The following APC2 variants were observed in gnomAD, a reference collection of about 807,000 sequenced individuals.
APC2 encodes APC regulator of Wnt signaling pathway 2.
In APC2, 41 loss-of-function variants were observed where a neutral mutation model predicts 72.5. That is an observed-to-expected ratio of 0.57 (90% CI 0.44 to 0.73). The LOEUF (loss-of-function observed/expected upper bound fraction) is 0.73, where lower values mean the gene tolerates loss of function less well. Among genes scored for constraint, APC2 ranks in the 30% least tolerant of loss-of-function variants. The pLI is 0.00. For missense variants in APC2, 3,729 were observed against 3,403.4 expected, an observed-to-expected ratio of 1.10 and a Z score of -2.38; for synonymous variants, 1,898 against 1,612.0, an observed-to-expected ratio of 1.18 and a Z score of -4.25.
chr19:1,467,217 G>A lies in APC2; in HGVS notation c.3916G>A (p.Gly1306Arg), dbSNP rs771870298. Reference protein sequence around the residue: ...LLPSACPERGGGAGGAGLHFA... With the variant: ...LLPSACPERGRGAGGAGLHFA... ...GCCCTCGGCCTGCCCCGAGCGCGGC[G>A]GGGGCGCCGGGGGCGCCGGCCTCCA... The change falls in exon 15 of 15, where the codon GGG (glycine) becomes AGG (arginine). Residue 1306 changes from glycine to arginine, a missense_variant. Transcript: ENST00000590469. 11 of 1,371,212 alleles carry A rather than the reference G, an allele frequency of 8.0e-6. No homozygotes were observed. The Admixed American group carries it at 1.3e-4, about 16-fold the overall frequency. The allele number at this position is 1,371,212 out of a possible 1,614,324, so 84.9% of individuals were successfully genotyped here. A position where few individuals can be genotyped will look rare whatever the true frequency, so the allele number is the denominator to read the frequency against.
chr19:1,457,850 T>G, intron 9 of APC2, 115 bp from the exon 10 acceptor site: 2 of 864,022 alleles, frequency 2.3e-6, no homozygotes, highest in Non-Finnish European at 3.6e-6. Flanking sequence ...TTTGCAGCCA[T>G]TTGCAAAGCT....
rs1395193784 is a variant in APC2, at chr19:1,465,484, C to A, written c.2183C>A (p.Ala728Asp). 6.5e-7 allele frequency: 1 copy of A among 1,526,974 alleles called. No homozygotes were observed. The highest frequency in any genetic ancestry group is 1.2e-5 in the South Asian group (1 of 83,114). 94.6% of individuals were successfully genotyped at this position (1,526,974 alleles called of 1,614,324 possible). A position where few individuals can be genotyped will look rare whatever the true frequency, so the allele number is the denominator to read the frequency against. The part of the protein sequence containing the change: ...LYVRKQRALE[A>D]ELDARHLAQA... ...GTGCGCAAGCAGCGGGCGCTGGAGG[C>A]CGAGCTGGACGCACGGCACCTCGCG... is the stretch of plus-strand genomic sequence containing the variant. The change falls in exon 15 of 15, where the codon GCC becomes GAC. Residue 728 changes from alanine (A) to aspartate (D), a missense_variant. Physicochemically the swap from Ala to Asp is moderately radical, Grantham distance 126. Transcript: ENST00000590469.
chr19:1,454,758 G>C (rs888315011), intron 4 of APC2, among the ~76,000 whole-genome samples: 1 of 152,032 alleles, frequency 6.6e-6, no homozygotes, highest in African/African-American at 2.4e-5. Flanking sequence ...TAGCAGAGAC[G>C]GGGTTTCACC....
At chr19:1,446,450 A>G, upstream of APC2, 1 of 830,902 alleles carries the variant, frequency 1.2e-6, no homozygotes, top group Non-Finnish European at 1.5e-6. The surrounding 1 kb of genome is among the most constrained non-coding windows in gnomAD (Gnocchi z 6.1). Flanking sequence ...GCATGGGGCG[A>G]GCGCGCGGAG....
chr19:1,446,421 G>A (rs1364939775), upstream of APC2: 8 of 967,236 alleles, frequency 8.3e-6, no homozygotes, highest in Non-Finnish European at 9.8e-6. This position sits in a 1 kb window ranked among gnomAD's most constrained non-coding sequence, Gnocchi z 6.1. Flanking sequence ...CGGGAACAGC[G>A]GGCGCGGCGG....
In APC2 at chr19:1,467,865, G is replaced by GCGCCCA. The variant is rs2084049224; in HGVS notation, c.4569_4574dup (p.Pro1525_Thr1526dup). On this transcript the variant is annotated inframe_insertion, in exon 15 of 15. Coordinates refer to ENST00000590469, the MANE Select transcript of APC2 (RefSeq NM_005883.3). ...CTCGGACGAGGAGCCCCCGGCGGCCGCGCCCACGCCAACCCACCGGCGCAC... is the reference window on the plus strand; with the variant it reads ...CTCGGACGAGGAGCCCCCGGCGGCCGCGCCCACGCCCACGCCAACCCACCGGCGCAC... The GCGCCCA allele has an allele frequency of 7.1e-6, 11 of 1,557,110 alleles. No individual in the cohort carries two copies. The highest frequency in any genetic ancestry group is 9.5e-6 in the Non-Finnish European group (11 of 1,160,880).
In APC2 at chr19:1,457,109, A is replaced by T. The variant is rs2083843759; in HGVS notation, c.1073A>T (p.Gln358Leu). Residue 358 changes from glutamine to leucine, a missense_variant, in exon 9 of 15, where the codon CAG becomes CTG. Physicochemically the swap from Gln to Leu is moderately radical, Grantham distance 113 (BLOSUM62 -2). Coordinates refer to ENST00000590469, the MANE Select transcript of APC2 (RefSeq NM_005883.3). ...GCGCTGCACAACATCGTCTTCTCGC[A>T]GCCGGACCAGGGCCTGGCGCGCAAG... ...NAALHNIVFS[Q>L]PDQGLARKEM... 1 of 1,584,744 alleles carries T rather than the reference A, an allele frequency of 6.3e-7. No individual in the cohort carries two copies. Among genetic ancestry groups the T allele is most frequent in the Non-Finnish European group, 8.6e-7 (1 of 1,169,414 alleles).
At chr19:1,465,096 C>A in intron 14 of APC2, 59 bp from the exon 15 acceptor site, 1 of 1,542,062 alleles carries the variant, frequency 6.5e-7, no homozygotes, top group Middle Eastern at 1.7e-4. Flanking sequence ...GCCCCCCCAT[C>A]CTTCGGTGGG....
rs1599157992 is a variant in APC2, at chr19:1,466,945, C to T, written c.3644C>T (p.Pro1215Leu). The T allele has an allele frequency of 6.2e-7, 1 of 1,600,978 alleles. No individual in the cohort carries two copies. Among genetic ancestry groups the T allele is most frequent in the Non-Finnish European group, 8.5e-7 (1 of 1,174,246 alleles). The change falls in exon 15 of 15, where the codon CCG (proline) becomes CTG (leucine). Residue 1215 changes from proline to leucine, a missense_variant. Transcript: ENST00000590469. ...CCTCCCAGCCGGAGCAAGACGCCAC[C>T]GCTGGCGCCCGCGCCACAGGGTCCC... ...TMPPSRSKTP[P>L]LAPAPQGPPE... is the part of the protein sequence containing the mutation.
rs769115189 is a variant in APC2, at chr19:1,456,091, C to T, written c.655C>T (p.Leu219=). 8 of 1,583,658 alleles carry T rather than the reference C, an allele frequency of 5.1e-6. No homozygotes were observed. The highest frequency in any genetic ancestry group is 6.0e-6 in the Non-Finnish European group (7 of 1,167,932). ...VQRAQIRASR[L]EQIDKELLEA... ...TCCTGAGCAGATCCGCGCCTCGCGC[C>T]TGGAGCAGATTGACAAGGAGCTGCT... Residue 219 remains leucine (L), a synonymous_variant, in exon 7 of 15, where the codon CTG becomes TTG. Transcript: ENST00000590469.
rs538243582 is a variant in APC2 at position 1,462,693 on chromosome 19, A to G, written c.1853+516A>G. On this transcript the variant is annotated intron_variant, in intron 14 of 14. Transcript: ENST00000590469. ...AAAAAAAAAAAAAATTCAGGCAGCCAGGCGCAGTGGCTCACACCTGTAATC... is the reference window on the plus strand; with the variant it reads ...AAAAAAAAAAAAAATTCAGGCAGCCGGGCGCAGTGGCTCACACCTGTAATC... Among the ~76,000 whole-genome samples, 354 of 145,814 alleles carry G rather than the reference A, an allele frequency of 2.4e-3. 3 individuals are homozygous for G. The highest frequency in any genetic ancestry group is 3.4e-3 in the Non-Finnish European group (227 of 67,064).
At position 1,453,626 on chromosome 19, in the gene APC2, G is replaced by A. The variant is rs2083774722; in HGVS notation, c.413+15G>A. The stretch of plus-strand genomic sequence containing the variant: ...GACCGGGAACGGTGAGTGGGCGTGG[G>A]AACCCAGCCTCGGGCAGCTGGAGCA... On this transcript the variant is annotated intron_variant, in intron 4 of 14. Transcript: ENST00000590469. 3 of 1,584,022 alleles carry A rather than the reference G, an allele frequency of 1.9e-6. No individual in the cohort carries two copies. Among genetic ancestry groups the A allele is most frequent in the African/African-American group, 1.3e-5 (1 of 74,486 alleles).
chr19:1,450,366 G>A (rs1285341919), intron 1 of APC2, 28 bp downstream of exon 1: 4 of 985,250 alleles, frequency 4.1e-6, no homozygotes, highest in African/African-American at 3.5e-5. Context: ...GGAGGGCAGG[G>A]GCGCGACCTC....
At chr19:1,460,159 C>T (rs2083900060) in intron 10 of APC2, 22 bp from the exon 11 acceptor site, 1 of 1,612,676 alleles carries the variant, frequency 6.2e-7, no homozygotes, top group Admixed American at 1.7e-5. Flanking sequence ...TGCCACCCAC[C>T]AACCTTGTTG....
Position 1,470,232 on chromosome 19 carries a change from T to C in APC2, c.*19T>C. The stretch of plus-strand genomic sequence containing the variant: ...GGAATAGTGGCCTAGGCCGGCCTTC[T>C]GGAACGTTCTCTCCCGGCCCTGCGG... On this transcript the variant is annotated 3_prime_UTR_variant, in exon 15 of 15. Transcript: ENST00000590469. 1 of 1,564,190 alleles carries C rather than the reference T, an allele frequency of 6.4e-7. No homozygotes were observed. Among genetic ancestry groups the C allele is most frequent in the Non-Finnish European group, 8.6e-7 (1 of 1,157,860 alleles).
rs1317345847 is a variant in APC2 at position 1,468,484 on chromosome 19, C to T, written c.5183C>T (p.Ser1728Phe). 1.2e-6 allele frequency: 2 copies of T among 1,604,788 alleles called. No homozygotes were observed. Among genetic ancestry groups the T allele is most frequent in the East Asian group, 2.2e-5 (1 of 44,606 alleles). ...TTCGTATCCGGGCTGTCAGTGGGAT[C>T]CACCCTACAGCCCCCCAAGCACAGG... Reference protein sequence around the residue: ...LSFVSGLSVGSTLQPPKHRKG... With the variant: ...LSFVSGLSVGFTLQPPKHRKG... Residue 1728 changes from serine (S) to phenylalanine (F), a missense_variant, in exon 15 of 15, where the codon TCC becomes TTC. Coordinates refer to ENST00000590469, the MANE Select transcript of APC2 (RefSeq NM_005883.3).
Position 1,453,478 on chromosome 19 carries a change from C to T in APC2, c.280C>T (p.Pro94Ser), listed in dbSNP as rs780176309. The part of the protein sequence containing the change: ...TSLYNLKFQP[P>S]TLGPEPAART... ...CCTGTACAACCTCAAGTTCCAGCCG[C>T]CCACCCTGGGCCCGGAGCCTGCCGC... Residue 94 changes from proline to serine, a missense_variant, in exon 4 of 15, where the codon CCC (proline) becomes TCC (serine). Pro to Ser is a moderately conservative substitution (Grantham distance 74). Coordinates refer to ENST00000590469, the MANE Select transcript of APC2 (RefSeq NM_005883.3). The T allele has an allele frequency of 6.2e-7, 1 of 1,603,840 alleles. No individual in the cohort carries two copies. The highest frequency in any genetic ancestry group is 8.5e-7 in the Non-Finnish European group (1 of 1,173,698).
At position 1,457,092 on chromosome 19, in the gene APC2, C is replaced by T. The variant is rs1329031662; in HGVS notation, c.1056C>T (p.His352=). 2.5e-6 allele frequency: 4 copies of T among 1,576,104 alleles called. No individual in the cohort carries two copies. The highest frequency in any genetic ancestry group is 1.4e-5 in the African/African-American group (1 of 73,688). The change falls in exon 9 of 15, where the codon CAC becomes CAT. Residue 352 remains histidine, a synonymous_variant. Coordinates refer to ENST00000590469, the MANE Select transcript of APC2 (RefSeq NM_005883.3). ...GCATGCGCGCCAACGCGGCGCTGCA[C>T]AACATCGTCTTCTCGCAGCCGGACC... The part of the protein sequence containing the change: ...DARMRANAAL[H]NIVFSQPDQG...
chr19:1,467,979 C>A lies in APC2; in HGVS notation c.4678C>A (p.Pro1560Thr). 1 of 1,579,054 alleles carries A rather than the reference C, an allele frequency of 6.3e-7. No homozygotes were observed. The highest frequency in any genetic ancestry group is 8.5e-7 in the Non-Finnish European group (1 of 1,171,928). ...APSKAAPAAPPPARTQPSLIA... is the reference protein window; with the variant it reads ...APSKAAPAAPTPARTQPSLIA... ...GTCCAAGGCTGCACCAGCTGCCCCGCCGCCCGCCCGGACCCAGCCCAGCCT... is the reference window on the plus strand; with the variant it reads ...GTCCAAGGCTGCACCAGCTGCCCCGACGCCCGCCCGGACCCAGCCCAGCCT... The change falls in exon 15 of 15, where the codon CCG becomes ACG. Residue 1560 changes from proline (P) to threonine (T), a missense_variant. Pro to Thr is a conservative substitution (Grantham distance 38). Coordinates refer to ENST00000590469, the MANE Select transcript of APC2 (RefSeq NM_005883.3).
Sources: gnomAD v4.1 joint callset for allele counts (sites outside exome capture counted in the v4.1 genomes callset) on GRCh38, gnomAD v4.1.1 for gene constraint, Gnocchi (gnomAD v3.1) non-coding constraint, MANE v1.5 for transcripts, NCBI Gene and HGNC (gene_info 2026-07-23, HGNC 2026-07-21) for gene names.